The following PCM1 variants were observed in gnomAD, a reference collection of about 807,000 sequenced individuals.
The protein encoded by PCM1 is pericentriolar material 1 protein.
PCM1 carries 157 observed loss-of-function variants against 241.9 expected under a neutral mutation model. The observed-to-expected ratio is 0.65, with a 90% CI of 0.57 to 0.74. The LOEUF (loss-of-function observed/expected upper bound fraction) is 0.74, where lower values mean the gene tolerates loss of function less well. Ranked by LOEUF, PCM1 falls within the 30% of genes least tolerant of loss-of-function variation. PCM1 has a pLI of 0.00. For missense variants in PCM1, 3,478 were observed against 2,360.1 expected, an observed-to-expected ratio of 1.47 and a Z score of -9.81; for synonymous variants, 1,085 against 784.9, an observed-to-expected ratio of 1.38 and a Z score of -6.39.
intron 38 of PCM1, among the ~76,000 whole-genome samples, chr8:18,026,825 T>A (rs2094256832): frequency 6.6e-6 from 1 of 152,190 alleles, no homozygotes; most frequent in South Asian, 2.1e-4. Context: ...CTCTGCTTTC[T>A]TCCTGGTTCT....
intron 36 of PCM1, among the ~76,000 whole-genome samples, chr8:18,021,336 T>G (rs1332134377): frequency 6.6e-6 from 1 of 152,174 alleles, no homozygotes; most frequent in Non-Finnish European, 1.5e-5. Context: ...GTGTGGCTTG[T>G]CAAACTCATA....
chr8:17,961,677 A>G (rs1450451060), intron 15 of PCM1, among the ~76,000 whole-genome samples: 1 of 152,232 alleles, frequency 6.6e-6, no homozygotes, highest in Admixed American at 6.5e-5. Flanking sequence ...AACTGTGTTC[A>G]TTTTCTAAAC....
intron 30 of PCM1, among the ~76,000 whole-genome samples, chr8:18,008,069 A>T (rs1186304809): frequency 6.6e-6 from 1 of 152,200 alleles, no homozygotes; most frequent in Admixed American, 6.5e-5. Flanking sequence ...GGAAGCACAG[A>T]TTCCAAAGAA....
At chr8:17,964,865 G>T in intron 18 of PCM1, 97 bp downstream of exon 18, 1 of 850,924 alleles carries the variant, frequency 1.2e-6, no homozygotes. Context: ...CCAACTGAAT[G>T]TCCTACAACT....
rs1232454970 is a variant in PCM1 at position 17,963,241 on chromosome 8, A to C, written c.2604A>C (p.Arg868Ser). The C allele has an allele frequency of 6.2e-7, 1 of 1,613,416 alleles. No individual in the cohort carries two copies. Among genetic ancestry groups the C allele is most frequent in the East Asian group, 2.2e-5 (1 of 44,878 alleles). The stretch of plus-strand genomic sequence containing the variant: ...CATCTCCAGTGGCTGTGTCATTGAG[A>C]AGTGATGGATCTGAGAACCTATGTA... Reference protein sequence around the residue: ...ETASPVAVSLRSDGSENLCTP... With the variant: ...ETASPVAVSLSSDGSENLCTP... Residue 868 changes from arginine (R) to serine (S), a missense_variant, in exon 17 of 39, where the codon AGA becomes AGC. Arg to Ser is a moderately radical substitution (Grantham distance 110). Coordinates refer to ENST00000325083, the MANE Select transcript of PCM1 (RefSeq NM_006197.4).
chr8:18,009,493 T>G (rs1588421788), intron 30 of PCM1, 54 bp from the exon 31 acceptor site: 15 of 1,130,238 alleles, frequency 1.3e-5, no homozygotes, highest in Non-Finnish European at 1.9e-5. Flanking sequence ...AGTAATAGTA[T>G]TTTATAATTG....
chr8:17,927,903 A>G (rs2057619135), intron 2 of PCM1: 1 of 151,156 alleles, frequency 6.6e-6, no homozygotes, highest in Admixed American at 6.6e-5. Flanking sequence ...AGTAGCTTAA[A>G]ATTGCCATAG....
chr8:17,945,994 A>C lies in PCM1; in HGVS notation c.784-1192A>C, dbSNP rs190389064. Among the ~76,000 whole-genome samples, 7 of 152,312 alleles carry C rather than the reference A, an allele frequency of 4.6e-5. No homozygotes were observed. In the East Asian group the frequency reaches 1.3e-3, roughly 29 times the overall value. On this transcript the variant is annotated intron_variant, in intron 6 of 38. Coordinates refer to ENST00000325083, the MANE Select transcript of PCM1 (RefSeq NM_006197.4). Reference sequence around the variant, plus strand: ...TTTTAAAAGGTAAATCGGTGATGAAAAATACAATTACGGTATACGTTTCGA... The same window carrying C: ...TTTTAAAAGGTAAATCGGTGATGAACAATACAATTACGGTATACGTTTCGA...
At chr8:17,955,432 T>C in intron 9 of PCM1, 38 bp from the exon 10 acceptor site, 1 of 1,475,484 alleles carries the variant, frequency 6.8e-7, no homozygotes, top group Non-Finnish European at 9.1e-7. Context: ...TGGTAACTGG[T>C]GATTAAAAAA....
In PCM1 at chr8:17,966,391, G is replaced by C. The variant is rs766408229; in HGVS notation, c.3139G>C (p.Ala1047Pro). The C allele has an allele frequency of 6.2e-6, 10 of 1,613,364 alleles. No homozygotes were observed. The African/African-American group carries it at 1.3e-4, about 22-fold the overall frequency. Residue 1047 changes from alanine to proline, a missense_variant, in exon 20 of 39, where the codon GCA becomes CCA. Ala to Pro is a conservative substitution (Grantham distance 27, BLOSUM62 -1). Coordinates refer to ENST00000325083, the MANE Select transcript of PCM1 (RefSeq NM_006197.4). ...GPYSVMPSNV[A>P]SPQVHFIMHQ... ...TTACAGTGTTATGCCCAGCAATGTTGCATCTCCTCAAGTACACTTCATAAT... is the reference window on the plus strand; with the variant it reads ...TTACAGTGTTATGCCCAGCAATGTTCCATCTCCTCAAGTACACTTCATAAT...
In PCM1 at chr8:18,025,460, AG is replaced by A. The variant is rs1365382582; in HGVS notation, c.5934+8del. On this transcript the variant is annotated splice_region_variant and intron_variant, in intron 37 of 38. Coordinates refer to ENST00000325083, the MANE Select transcript of PCM1 (RefSeq NM_006197.4). ...ACTGACAATATATTCAGAGGTATTT[AG>A]CTGTCTTTAATTAAACTTGTCTTTA... 2 of 1,551,578 alleles carry A rather than the reference AG, an allele frequency of 1.3e-6. No individual in the cohort carries two copies. Among genetic ancestry groups the A allele is most frequent in the African/African-American group, 2.7e-5 (2 of 73,254 alleles).
At chr8:18,003,512 T>C (rs2090303024) in intron 29 of PCM1, among the ~76,000 whole-genome samples, 1 of 152,192 alleles carries the variant, frequency 6.6e-6, no homozygotes, top group Non-Finnish European at 1.5e-5. Context: ...CCAAATGTTA[T>C]TGCATGTGTT....
chr8:18,022,538 G>A (rs2093840079), intron 36 of PCM1, among the ~76,000 whole-genome samples: 2 of 152,208 alleles, frequency 1.3e-5, no homozygotes, highest in Admixed American at 1.3e-4. Flanking sequence ...CCTTCCCCTA[G>A]CAGGTTGGTT....
chr8:17,954,599 G>A (rs1037749166), intron 9 of PCM1, among the ~76,000 whole-genome samples: 1 of 152,110 alleles, frequency 6.6e-6, no homozygotes, highest in African/African-American at 2.4e-5. Flanking sequence ...AGGTAGACTC[G>A]TCAAGGAATA....
At chr8:17,951,302 A>G (rs578085811) in intron 8 of PCM1, among the ~76,000 whole-genome samples, 13 of 152,350 alleles carry the variant, frequency 8.5e-5, no homozygotes, top group African/African-American at 3.1e-4. Flanking sequence ...GTATGATTGA[A>G]GATGCAGTGT....
intron 24 of PCM1, among the ~76,000 whole-genome samples, chr8:17,984,410 T>G (rs531578576): frequency 2.9e-4 from 44 of 152,076 alleles, no homozygotes; most frequent in Middle Eastern, 6.8e-3. Flanking sequence ...ACCTTAAAAC[T>G]ACGAGAACTT....
intron 22 of PCM1, among the ~76,000 whole-genome samples, 188 bp from the exon 23 acceptor site, chr8:17,972,136 GAATTA>G (rs2077060619): frequency 6.6e-6 from 1 of 152,172 alleles, no homozygotes; most frequent in Admixed American, 6.5e-5. Context: ...GATGGGTCCA[GAATTA>G]AAACTAATTT....
At chr8:17,971,210 T>C (rs1220900709) in intron 22 of PCM1, among the ~76,000 whole-genome samples, 1 of 152,248 alleles carries the variant, frequency 6.6e-6, no homozygotes, top group African/African-American at 2.4e-5. Flanking sequence ...TCAGGTCATA[T>C]GGAAACAGGC....
At chr8:17,966,511 G>C (rs1436269054) in intron 20 of PCM1, 38 bp downstream of exon 20, 4 of 1,581,938 alleles carry the variant, frequency 2.5e-6, no homozygotes, top group South Asian at 1.1e-5. Flanking sequence ...CTGTATAAGA[G>C]CTAACATTGA....
Sources: allele counts gnomAD v4.1 joint callset (sites outside exome capture counted in the v4.1 genomes callset), GRCh38; gene constraint gnomAD v4.1.1; transcripts MANE v1.5; gene names NCBI Gene and HGNC (gene_info 2026-07-23, HGNC 2026-07-21).